The following FNDC3B variants were observed in gnomAD, a reference collection of about 807,000 sequenced individuals.
FNDC3B encodes the protein fibronectin type III domain-containing protein 3B.
Under a neutral mutation model 151.5 loss-of-function variants are expected in FNDC3B, and 12 were observed. The observed-to-expected ratio is 0.08, with a 90% CI of 0.05 to 0.13. The LOEUF (loss-of-function observed/expected upper bound fraction) is 0.13. Among genes scored for constraint, FNDC3B ranks in the 10% least tolerant of loss-of-function variants. The probability of loss-of-function intolerance (pLI) is 1.00; values close to 1 mark genes in which losing one functional copy is unlikely to be tolerated. For missense variants in FNDC3B, 1,214 were observed against 1,505.3 expected (o/e 0.81, Z 3.20); for synonymous variants, 528 against 549.0 (o/e 0.96, Z 0.54).
intron 3 of FNDC3B, chr3:172,186,731 C>T (rs1412327649): frequency 1.4e-6 from 1 of 702,294 alleles, no homozygotes; most frequent in African/African-American, 1.7e-5. Context: ...TGAAGAGAGC[C>T]TGCGATTGAA....
chr3:172,313,494 G>A (rs1731623426), intron 11 of FNDC3B, among the ~76,000 whole-genome samples: 1 of 152,146 alleles, frequency 6.6e-6, no homozygotes, highest in African/African-American at 2.4e-5. Flanking sequence ...GAGAATATTT[G>A]GAATCATTTT....
chr3:172,247,844 G>T, intron 5 of FNDC3B, 68 bp downstream of exon 5: 5 of 1,548,080 alleles, frequency 3.2e-6, no homozygotes, highest in Non-Finnish European at 4.4e-6. Context: ...GTTCAAGGCG[G>T]TCCTTTGTTT....
intron 23 of FNDC3B, among the ~76,000 whole-genome samples, chr3:172,371,061 A>C (rs1416812570): frequency 6.6e-6 from 1 of 152,162 alleles, no homozygotes; most frequent in African/African-American, 2.4e-5. Context: ...ATAGTATCAC[A>C]CAGAGTTGTT....
Position 172,251,257 on chromosome 3 carries a change from T to C in FNDC3B, c.509-3T>C, listed in dbSNP as rs1214884396. On this transcript the variant is annotated splice_region_variant and splice_polypyrimidine_tract_variant and intron_variant, in intron 5 of 25. Transcript: ENST00000415807. ...TTGGGTTTATCATAATCATCCATTTTAGAAATTATACCATTTTATGGAATG... is the reference window on the plus strand; with the variant it reads ...TTGGGTTTATCATAATCATCCATTTCAGAAATTATACCATTTTATGGAATG... The C allele has an allele frequency of 6.3e-7, 1 of 1,599,776 alleles. No individual in the cohort carries two copies. The highest frequency in any genetic ancestry group is 1.1e-5 in the South Asian group (1 of 90,176).
At chr3:172,073,321 C>T (rs1717867736) in intron 1 of FNDC3B, among the ~76,000 whole-genome samples, 1 of 152,176 alleles carries the variant, frequency 6.6e-6, no homozygotes, top group Admixed American at 6.5e-5. Context: ...TGTTTGCCCA[C>T]TTTCCATTTG....
At chr3:172,280,105 G>A (rs963122031) in intron 6 of FNDC3B, among the ~76,000 whole-genome samples, 4 of 152,116 alleles carry the variant, frequency 2.6e-5, no homozygotes, top group Admixed American at 6.5e-5. Context: ...CGTAGAGATG[G>A]GGTCTTACTA....
At chr3:172,089,884 GGTCGGCCATCTCAACTT>G (rs1718722829) in intron 1 of FNDC3B, among the ~76,000 whole-genome samples, 1 of 152,170 alleles carries the variant, frequency 6.6e-6, no homozygotes, top group African/African-American at 2.4e-5. Flanking sequence ...TGAATTCCCA[GGTCGGCCATCTCAACTT>G]TTTACAACGT....
intron 9 of FNDC3B, among the ~76,000 whole-genome samples, chr3:172,301,378 G>A (rs1730903307): frequency 6.6e-6 from 1 of 152,172 alleles, no homozygotes; most frequent in African/African-American, 2.4e-5. Context: ...AAAACAAGGA[G>A]CAAAATCTCT....
chr3:172,321,321 G>A (rs374813475), intron 11 of FNDC3B, among the ~76,000 whole-genome samples: 3 of 152,208 alleles, frequency 2.0e-5, no homozygotes, highest in African/African-American at 7.2e-5. Flanking sequence ...ATGTGATTCT[G>A]TAAGATGAAG....
At chr3:172,390,213 T>C (rs970047678) in intron 25 of FNDC3B, among the ~76,000 whole-genome samples, 4 of 152,218 alleles carry the variant, frequency 2.6e-5, no homozygotes, top group Non-Finnish European at 4.4e-5. Context: ...GTTAACATTG[T>C]GTTGGCAAGG....
intron 25 of FNDC3B, among the ~76,000 whole-genome samples, chr3:172,391,607 G>A (rs1736011859): frequency 6.6e-6 from 1 of 152,156 alleles, no homozygotes; most frequent in Non-Finnish European, 1.5e-5. Context: ...ATTTCAATAG[G>A]TGTCACCTGC....
chr3:172,054,089 TAATAAG>T (rs764838565), intron 1 of FNDC3B, among the ~76,000 whole-genome samples: 20 of 152,324 alleles, frequency 1.3e-4, no homozygotes, highest in Non-Finnish European at 7.4e-5. Context: ...TCATTTCAGT[TAATAAG>T]AGTAAGATGC....
At chr3:172,067,232 T>C (rs1717544401) in intron 1 of FNDC3B, among the ~76,000 whole-genome samples, 1 of 152,234 alleles carries the variant, frequency 6.6e-6, no homozygotes, top group Admixed American at 6.5e-5. Flanking sequence ...AGCAGTGGTA[T>C]TTTTCTGTAT....
chr3:172,311,495 G>C (rs1381450933), intron 11 of FNDC3B, among the ~76,000 whole-genome samples: 1 of 152,084 alleles, frequency 6.6e-6, no homozygotes. Flanking sequence ...GGTGGACCCA[G>C]TGCATTTCTG....
At chr3:172,369,459 C>T (rs933557657) in intron 23 of FNDC3B, among the ~76,000 whole-genome samples, 5 of 145,682 alleles carry the variant, frequency 3.4e-5, no homozygotes, top group South Asian at 2.2e-4. Flanking sequence ...TAAAGTATAC[C>T]GAAAAAAAAG....
chr3:172,389,516 A>G (rs1735894519), intron 25 of FNDC3B, among the ~76,000 whole-genome samples: 1 of 152,250 alleles, frequency 6.6e-6, no homozygotes, highest in African/African-American at 2.4e-5. Context: ...AAACTATTAG[A>G]ACGTATTAGA....
chr3:172,084,312 G>A (rs544570479), intron 1 of FNDC3B, among the ~76,000 whole-genome samples: 4 of 152,148 alleles, frequency 2.6e-5, no homozygotes, highest in South Asian at 2.1e-4. Context: ...TTAGCTGGGC[G>A]TGGTGGTGCA....
At chr3:172,235,734 G>A (rs1034200593) in intron 4 of FNDC3B, among the ~76,000 whole-genome samples, 8 of 152,228 alleles carry the variant, frequency 5.3e-5, no homozygotes, top group East Asian at 1.9e-4. Flanking sequence ...TGTCTGGGCT[G>A]TCTCACAGGT....
intron 10 of FNDC3B, among the ~76,000 whole-genome samples, chr3:172,307,782 G>A (rs971039196): frequency 3.3e-5 from 5 of 152,184 alleles, no homozygotes; most frequent in African/African-American, 1.2e-4. Flanking sequence ...TAGTAAGTAT[G>A]TGCAACCAAC....
Sources: allele counts gnomAD v4.1 joint callset (sites outside exome capture counted in the v4.1 genomes callset), GRCh38; gene constraint gnomAD v4.1.1; transcripts MANE v1.5; gene names NCBI Gene and HGNC (gene_info 2026-07-23, HGNC 2026-07-21).